The following TSPEAR variants were observed in gnomAD, a reference collection of about 807,000 sequenced individuals.
TSPEAR encodes the protein thrombospondin-type laminin G domain and EAR repeat-containing protein.
In TSPEAR, 69 loss-of-function variants were observed where a neutral mutation model predicts 71.6. The observed-to-expected ratio is 0.96, with a 90% confidence interval of 0.79 to 1.18. TSPEAR has a LOEUF of 1.18. TSPEAR is among the 50% of genes most tolerant of loss of function. TSPEAR has a pLI of 0.00. For missense variants in TSPEAR, 971 were observed against 894.9 expected (o/e 1.09, Z -1.09); for synonymous variants, 402 against 387.2 (o/e 1.04, Z -0.45).
chr21:44,513,729 G>A (rs1256154746), intron 9 of TSPEAR, among the ~76,000 whole-genome samples: 1 of 152,200 alleles, frequency 6.6e-6, no homozygotes, highest in Non-Finnish European at 1.5e-5. Context: ...CTTTGATAGG[G>A]CAAAGAAAGA....
chr21:44,540,088 G>C, intron 2 of TSPEAR: 2 of 1,613,792 alleles, frequency 1.2e-6, no homozygotes, highest in Non-Finnish European at 1.7e-6. Context: ...TCTCTGGGCA[G>C]GCATCCACCT....
At chr21:44,514,007 C>T (rs947320090) in intron 9 of TSPEAR, among the ~76,000 whole-genome samples, 1 of 152,174 alleles carries the variant, frequency 6.6e-6, no homozygotes, top group Non-Finnish European at 1.5e-5. Flanking sequence ...GTGCTCTTCC[C>T]GGCCCTGCAG....
intron 10 of TSPEAR, among the ~76,000 whole-genome samples, chr21:44,507,251 A>G (rs2052224547): frequency 6.6e-6 from 1 of 152,336 alleles, no homozygotes; most frequent in African/African-American, 2.4e-5. Context: ...AGAATGTTCC[A>G]GAGTTGTCTG....
rs1186190980 is a variant in TSPEAR at position 44,702,247 on chromosome 21, C to G, written c.82+9186G>C. 3 of 1,603,668 alleles carry G rather than the reference C, an allele frequency of 1.9e-6. No individual in the cohort carries two copies. The African/African-American group carries it at 4.0e-5, about 21-fold the overall frequency. On this transcript the variant is annotated intron_variant, in intron 1 of 11. Transcript: ENST00000323084. ...AGCCAGTGCTTCCACCAACTCCTGG[C>G]AGGTGGACGACTGCCCGGAGAGCTG...
At chr21:44,680,779 C>A (rs782266382) in intron 1 of TSPEAR, among the ~76,000 whole-genome samples, 2 of 152,186 alleles carry the variant, frequency 1.3e-5, no homozygotes, top group Non-Finnish European at 2.9e-5. Context: ...ACAAATATTA[C>A]ATGTTCTCAC....
At position 44,678,828 on chromosome 21, in the gene TSPEAR, A is replaced by G. The variant is rs1165558147; in HGVS notation, c.82+32605T>C. Among the ~76,000 whole-genome samples the G allele has an allele frequency of 2.6e-5, 4 of 152,374 alleles. No individual in the cohort carries two copies. The East Asian group carries it at 7.7e-4, about 29-fold the overall frequency. On this transcript the variant is annotated intron_variant, in intron 1 of 11. Coordinates refer to ENST00000323084, the MANE Select transcript of TSPEAR (RefSeq NM_144991.3). ...AAAATCAGTAGTGTTTCGATACACC[A>G]ATAACAAACTAGCTGAAAAAGTAAG... is the stretch of plus-strand genomic sequence containing the variant.
intron 5 of TSPEAR, 117 bp from the exon 6 acceptor site, chr21:44,528,700 G>T: frequency 7.4e-7 from 1 of 1,349,150 alleles, no homozygotes; most frequent in Non-Finnish European, 1.0e-6. Flanking sequence ...TGCGGGCCTG[G>T]AAGGGCCCCT....
intron 9 of TSPEAR, chr21:44,509,892 C>G (rs1162707028): frequency 6.2e-6 from 1 of 160,552 alleles, no homozygotes; most frequent in African/African-American, 2.4e-5. Context: ...ACCCTGATCC[C>G]TCTAGTCCCA....
At chr21:44,680,995 T>C (rs74943953) in intron 1 of TSPEAR, among the ~76,000 whole-genome samples, 4,875 of 152,262 alleles carry the variant, frequency 0.032, 269 homozygotes, top group African/African-American at 0.11. Flanking sequence ...TCAAATCAGC[T>C]AGAAGAGAGA....
intron 1 of TSPEAR, among the ~76,000 whole-genome samples, chr21:44,684,971 G>A (rs1282732326): frequency 6.6e-6 from 1 of 152,232 alleles, no homozygotes; most frequent in Admixed American, 6.5e-5. Flanking sequence ...GCCTGTGACA[G>A]GGCTGAACTT....
chr21:44,629,123 C>T (rs1336659447), intron 1 of TSPEAR, among the ~76,000 whole-genome samples: 1 of 152,190 alleles, frequency 6.6e-6, no homozygotes, highest in African/African-American at 2.4e-5. Flanking sequence ...TCCTCACCCA[C>T]ACCCCCCACA....
chr21:44,630,710 G>A (rs1314509623), intron 1 of TSPEAR, among the ~76,000 whole-genome samples: 9 of 151,932 alleles, frequency 5.9e-5, no homozygotes, highest in Admixed American at 1.3e-4. Flanking sequence ...GAAGGCAGTC[G>A]CAAACCGCCC....
intron 1 of TSPEAR, among the ~76,000 whole-genome samples, chr21:44,656,296 G>A (rs1235209066): frequency 3.3e-5 from 5 of 152,152 alleles, no homozygotes; most frequent in African/African-American, 9.7e-5. Context: ...GCAGGTCAGG[G>A]CCCACCTGGC....
At position 44,612,022 on chromosome 21, in the gene TSPEAR, G is replaced by A. The variant is rs782498507; in HGVS notation, c.83-44017C>T. 4.9e-6 allele frequency: 7 copies of A among 1,428,132 alleles called. No individual in the cohort carries two copies. Among genetic ancestry groups the A allele is most frequent in the Non-Finnish European group, 6.8e-6 (7 of 1,031,740 alleles). The allele number at this position is 1,428,132 out of a possible 1,614,324, so 88.5% of individuals were successfully genotyped here. A position where few individuals can be genotyped will look rare whatever the true frequency, so the allele number is the denominator to read the frequency against. ...CCTGTGAGGAAAATACCCAGGGAGGGTATAAAACCTCAGCAGCCAGGGCAC... is the reference window on the plus strand; with the variant it reads ...CCTGTGAGGAAAATACCCAGGGAGGATATAAAACCTCAGCAGCCAGGGCAC... On this transcript the variant is annotated intron_variant, in intron 1 of 11. Transcript: ENST00000323084. This position sits in a 1 kb window ranked among gnomAD's most constrained non-coding sequence, Gnocchi z 4.1.
intron 8 of TSPEAR, among the ~76,000 whole-genome samples, chr21:44,524,114 G>C (rs1403799160): frequency 6.0e-5 from 9 of 151,096 alleles, no homozygotes; most frequent in South Asian, 2.1e-4. Context: ...CAGGTAGTCA[G>C]TCAGATAGTC....
intron 1 of TSPEAR, among the ~76,000 whole-genome samples, chr21:44,660,193 GC>G (rs1251951162): frequency 6.6e-6 from 1 of 152,108 alleles, no homozygotes; most frequent in Non-Finnish European, 1.5e-5. Flanking sequence ...AGAGGGCAGG[GC>G]AGAAGAAATA....
rs200900562 is a variant in TSPEAR at position 44,579,897 on chromosome 21, T to C, written c.83-11892A>G. On this transcript the variant is annotated intron_variant, in intron 1 of 11. Transcript: ENST00000323084. ...GGCAGGCAGCAGGCGGGCCTGCATATGGGGCGGCAGAGGAGGGACACGGAG... is the reference window on the plus strand; with the variant it reads ...GGCAGGCAGCAGGCGGGCCTGCATACGGGGCGGCAGAGGAGGGACACGGAG... The C allele has an allele frequency of 8.9e-4, 1,426 of 1,597,888 alleles. 1 individual carries two copies. Among genetic ancestry groups the C allele is most frequent in the Non-Finnish European group, 1.0e-3 (1,170 of 1,169,280 alleles).
At chr21:44,592,337 CCGG>C in intron 1 of TSPEAR, 3 of 396,672 alleles carry the variant, frequency 7.6e-6, no homozygotes, top group Non-Finnish European at 9.1e-6. Flanking sequence ...AGGCAGGGGG[CCGG>C]GGCGCAGCAG....
rs587683931 is a variant in TSPEAR, at chr21:44,657,706, A to T, written c.82+53727T>A. ...TGTGCACGGTAGTAGCCTGAAAAAA[A>T]TTGACAAAAAACCTGCATAACGTCA... On this transcript the variant is annotated intron_variant, in intron 1 of 11. Coordinates refer to ENST00000323084, the MANE Select transcript of TSPEAR (RefSeq NM_144991.3). Among the ~76,000 whole-genome samples, 3 of 152,332 alleles carry T rather than the reference A, an allele frequency of 2.0e-5. No homozygotes were observed. In the South Asian group the frequency reaches 6.2e-4, roughly 32 times the overall value.
Sources: allele counts gnomAD v4.1 joint callset (sites outside exome capture counted in the v4.1 genomes callset), GRCh38; gene constraint gnomAD v4.1.1; non-coding constraint Gnocchi (gnomAD v3.1); transcripts MANE v1.5; gene names NCBI Gene and HGNC (gene_info 2026-07-23, HGNC 2026-07-21).